DIAPH2: variants seen among roughly 807,000 people sequenced by gnomAD.
The protein encoded by DIAPH2 is protein diaphanous homolog 2.
A neutral mutation model predicts 92.7 loss-of-function variants in DIAPH2; 35 were observed. The ratio of observed to expected loss-of-function variants is 0.38; its 90% CI spans 0.29 to 0.50. The LOEUF is 0.50. DIAPH2 is among the 20% of genes least tolerant of loss of function. DIAPH2 has a pLI of 0.94. For synonymous variants in DIAPH2, 301 were observed against 280.4 expected, an observed-to-expected ratio of 1.07 and a Z score of -0.73; for missense variants, 701 against 819.5, an observed-to-expected ratio of 0.86 and a Z score of 1.77.
chrX:97,260,020 G>A (rs2068276441), intron 23 of DIAPH2, among the ~76,000 whole-genome samples: 1 of 111,719 alleles, frequency 9.0e-6, no homozygotes, highest in Admixed American at 9.5e-5. Context: ...AGTAGAGATG[G>A]GCTTTCACCA....
intron 24 of DIAPH2, among the ~76,000 whole-genome samples, chrX:97,354,615 C>T (rs1157623493): frequency 2.7e-5 from 3 of 112,541 alleles, no homozygotes; most frequent in African/African-American, 9.7e-5. Flanking sequence ...CTCAGGTGAT[C>T]CACCTGCCTC....
intron 23 of DIAPH2, among the ~76,000 whole-genome samples, chrX:97,342,056 CAT>C (rs1273498933): frequency 8.9e-6 from 1 of 112,361 alleles, no homozygotes; most frequent in Non-Finnish European, 1.9e-5. Flanking sequence ...TACTGATAAA[CAT>C]ATTCACTATT....
chrX:96,844,514 G>T (rs2064958109), intron 4 of DIAPH2, among the ~76,000 whole-genome samples: 1 of 111,950 alleles, frequency 8.9e-6, no homozygotes, highest in Non-Finnish European at 1.9e-5. Context: ...TTTAGATCAA[G>T]TTTTTAATTC....
intron 26 of DIAPH2, among the ~76,000 whole-genome samples, chrX:97,542,112 G>A (rs1453693584): frequency 5.3e-5 from 6 of 112,605 alleles, no homozygotes; most frequent in Non-Finnish European, 9.4e-5. Context: ...CCTAACTGAC[G>A]TTAGTGAATC....
At chrX:96,698,249 CCTTT>C (rs1292675198) in intron 1 of DIAPH2, among the ~76,000 whole-genome samples, 1 of 111,942 alleles carries the variant, frequency 8.9e-6, no homozygotes, top group Non-Finnish European at 1.9e-5. Context: ...TTGCCCACTT[CCTTT>C]CTGTTTGTGA....
intron 25 of DIAPH2, among the ~76,000 whole-genome samples, chrX:97,415,886 A>G (rs2069940734): frequency 9.0e-6 from 1 of 111,709 alleles, no homozygotes; most frequent in African/African-American, 3.3e-5. Context: ...GTGAATTAAG[A>G]CATCACCACC....
intron 21 of DIAPH2, among the ~76,000 whole-genome samples, chrX:97,127,982 C>T (rs1414725568): frequency 9.0e-6 from 1 of 111,205 alleles, no homozygotes; most frequent in Non-Finnish European, 1.9e-5. Context: ...CACTCCGCCT[C>T]AGAGACAGAG....
At position 97,143,388 on chromosome X, in the gene DIAPH2, G is replaced by C. The variant is rs1023706028; in HGVS notation, c.2719+1594G>C. Among the ~76,000 whole-genome samples, 3 of 109,878 alleles carry C rather than the reference G, an allele frequency of 2.7e-5. No individual in the cohort carries two copies. The East Asian group carries it at 8.4e-4, about 31-fold the overall frequency. The stretch of plus-strand genomic sequence containing the variant: ...GCCTTCTACCAGAATTTTTTTCTAA[G>C]TTTTCTTTGTTCAACATGTATAATC... On this transcript the variant is annotated intron_variant, in intron 22 of 26. Coordinates refer to ENST00000324765, the MANE Select transcript of DIAPH2 (RefSeq NM_006729.5).
chrX:97,097,213 C>G (rs1365304300), intron 19 of DIAPH2, among the ~76,000 whole-genome samples: 1 of 111,761 alleles, frequency 8.9e-6, no homozygotes, highest in Non-Finnish European at 1.9e-5. Context: ...TATAAAAAAT[C>G]AGATATGTTT....
At chrX:96,710,843 TC>T (rs999623585) in intron 1 of DIAPH2, among the ~76,000 whole-genome samples, 45 of 111,492 alleles carry the variant, frequency 4.0e-4, no homozygotes, top group African/African-American at 1.4e-3. Context: ...TAGTCTTTTA[TC>T]CCTCACCCTC....
At chrX:97,389,431 A>AG (rs1257286584) in intron 25 of DIAPH2, among the ~76,000 whole-genome samples, 1 of 97,542 alleles carries the variant, frequency 1.0e-5, no homozygotes, top group Non-Finnish European at 2.0e-5. Flanking sequence ...ACGCCACTGC[A>AG]CTCCAGCCTG....
intron 3 of DIAPH2, among the ~76,000 whole-genome samples, chrX:96,751,661 T>C (rs1183079444): frequency 1.3e-5 from 1 of 74,519 alleles, no homozygotes; most frequent in Non-Finnish European, 2.8e-5. Flanking sequence ...TGTTTTTTTT[T>C]TTTTTTTTTT....
intron 22 of DIAPH2, among the ~76,000 whole-genome samples, chrX:97,235,601 CAAAAA>C (rs10563336): frequency 1.9e-5 from 1 of 53,383 alleles, no homozygotes. Context: ...GAGACTACGT[CAAAAA>C]AAAAAAAAAA....
intron 23 of DIAPH2, among the ~76,000 whole-genome samples, chrX:97,338,021 C>T (rs1167908460): frequency 1.8e-5 from 2 of 109,268 alleles, no homozygotes; most frequent in Non-Finnish European, 3.8e-5. Flanking sequence ...GACAGGTGTG[C>T]GCCACCACGC....
chrX:97,007,761 C>CTTT (rs1202951643), intron 17 of DIAPH2, among the ~76,000 whole-genome samples: 9 of 80,993 alleles, frequency 1.1e-4, no homozygotes, highest in Non-Finnish European at 1.7e-4. Flanking sequence ...TTCTTTTTTT[C>CTTT]TTTTTTTTTT....
chrX:97,137,341 G>C (rs13328599), intron 21 of DIAPH2, among the ~76,000 whole-genome samples: 15,879 of 93,971 alleles, frequency 0.17, 1,625 homozygotes, highest in African/African-American at 0.35. Context: ...CTATAGCCCA[G>C]AAAAGTTGGA....
rs771556866 is a variant in DIAPH2 at position 96,858,792 on chromosome X, C to T, written c.448-22787C>T. The stretch of plus-strand genomic sequence containing the variant: ...AGCCTGCAGACAGTAGGTGTCATTG[C>T]CTGGAAGCAGCCATTTGTGAGGCTG... On this transcript the variant is annotated intron_variant, in intron 4 of 26. Transcript: ENST00000324765. Among the ~76,000 whole-genome samples, 40 of 111,883 alleles carry T rather than the reference C, an allele frequency of 3.6e-4. No individual in the cohort carries two copies. The South Asian group carries it at 0.015, about 41-fold the overall frequency.
At chrX:97,137,102 CT>C (rs1468710543) in intron 21 of DIAPH2, among the ~76,000 whole-genome samples, 3 of 106,981 alleles carry the variant, frequency 2.8e-5, no homozygotes, top group Non-Finnish European at 3.8e-5. Flanking sequence ...TGCTCCTAAC[CT>C]GCCTCCCCTA....
chrX:97,163,492 A>G (rs1333766894), intron 22 of DIAPH2, among the ~76,000 whole-genome samples: 1 of 112,147 alleles, frequency 8.9e-6, no homozygotes. Flanking sequence ...GCCTGGCCTA[A>G]GTTTTCAATA....
Sources: gnomAD v4.1 joint callset for allele counts (sites outside exome capture counted in the v4.1 genomes callset) on GRCh38, gnomAD v4.1.1 for gene constraint, MANE v1.5 for transcripts, NCBI Gene and HGNC (gene_info 2026-07-23, HGNC 2026-07-21) for gene names.